CBL: variants seen among roughly 807,000 people sequenced by gnomAD.
The protein encoded by CBL is E3 ubiquitin-protein ligase CBL.
Under a neutral mutation model 96.9 loss-of-function variants are expected in CBL, and 45 were observed. The ratio of observed to expected loss-of-function variants is 0.46; its 90% confidence interval spans 0.37 to 0.60. The LOEUF is 0.60. Among genes scored for constraint, CBL ranks in the 20% least tolerant of loss-of-function variants. The probability of loss-of-function intolerance (pLI) is 0.00; values close to 1 mark genes in which losing one functional copy is unlikely to be tolerated. For synonymous variants in CBL, 420 were observed against 426.8 expected (o/e 0.98, Z 0.20); for missense variants, 1,024 against 1,143.5 (o/e 0.90, Z 1.51).
chr11:119,223,607 A>G (rs1407270503), intron 1 of CBL, among the ~76,000 whole-genome samples: 1 of 145,382 alleles, frequency 6.9e-6, no homozygotes, highest in African/African-American at 2.5e-5. Context: ...ATTTTTTTTT[A>G]TTATTATTTA....
chr11:119,244,360 T>A (rs1263795173), intron 2 of CBL, among the ~76,000 whole-genome samples: 1 of 152,146 alleles, frequency 6.6e-6, no homozygotes, highest in Non-Finnish European at 1.5e-5. Context: ...TCTTAGAAAT[T>A]CTAATGTAAT....
At position 119,206,368 on chromosome 11, in the gene CBL, C is replaced by T. The variant is rs1262508971; in HGVS notation, c.-50C>T. 1 of 1,389,216 alleles carries T rather than the reference C, an allele frequency of 7.2e-7. No individual in the cohort carries two copies. The highest frequency in any genetic ancestry group is 9.5e-7 in the Non-Finnish European group (1 of 1,050,622). The allele number at this position is 1,389,216 out of a possible 1,614,324, so 86.1% of individuals were successfully genotyped here. A position where few individuals can be genotyped will look rare whatever the true frequency, so the allele number is the denominator to read the frequency against. On this transcript the variant is annotated 5_prime_UTR_variant, in exon 1 of 16. Transcript: ENST00000264033. ...ACGCCCTGCTTCTCTCCCTCGCTCG[C>T]AGTCGAGCCGAGCCGGCGGACCCGC...
At chr11:119,216,436 A>G (rs1226767339) in intron 1 of CBL, among the ~76,000 whole-genome samples, 4 of 151,392 alleles carry the variant, frequency 2.6e-5, no homozygotes, top group Non-Finnish European at 5.9e-5. Flanking sequence ...CAGTGGTGCA[A>G]TCTCGGCTTA....
intron 12 of CBL, among the ~76,000 whole-genome samples, chr11:119,288,458 C>T (rs1292004758): frequency 1.4e-5 from 2 of 146,294 alleles, no homozygotes; most frequent in Non-Finnish European, 3.0e-5. Flanking sequence ...ACATGGCCAT[C>T]CTCAGTGTTT....
intron 2 of CBL, among the ~76,000 whole-genome samples, chr11:119,262,296 A>T (rs1949760554): frequency 6.6e-6 from 1 of 152,222 alleles, no homozygotes; most frequent in Non-Finnish European, 1.5e-5. Flanking sequence ...CTAAGGAGAT[A>T]GGGTGAGTAA....
At position 119,285,259 on chromosome 11, in the gene CBL, C is replaced by G; in HGVS notation, c.1634C>G (p.Pro545Arg). The part of the protein sequence containing the change: ...VPPTLRDLPP[P>R]PPPDRPYSVG... ...CCCACACTTCGAGATCTTCCACCAC[C>G]ACCGCCTCCAGACCGGCCATATTCT... Residue 545 changes from proline to arginine, a missense_variant, in exon 11 of 16, where the codon CCA becomes CGA. Around this residue, in one of 4 missense-constraint regions of CBL, gnomAD observed 695 missense variants for 661.6 expected, o/e 1.05. Transcript: ENST00000264033. 1 of 1,614,184 alleles carries G rather than the reference C, an allele frequency of 6.2e-7. No individual in the cohort carries two copies. Among genetic ancestry groups the G allele is most frequent in the Non-Finnish European group, 8.5e-7 (1 of 1,180,046 alleles).
At chr11:119,274,713 A>G in intron 4 of CBL, 119 bp from the exon 5 acceptor site, 4 of 907,140 alleles carry the variant, frequency 4.4e-6, no homozygotes, top group Non-Finnish European at 7.1e-6. Flanking sequence ...GAGTGATGGT[A>G]TAATTAAAAA....
chr11:119,285,187 A>G lies in CBL; in HGVS notation c.1564-2A>G. On this transcript the variant is annotated splice_acceptor_variant, in intron 10 of 15. Coordinates refer to ENST00000264033, the MANE Select transcript of CBL (RefSeq NM_005188.4). LOFTEE classifies it high-confidence loss of function. ...TGATTTGCTTTCACCCTGCTTCCACAGGCTGCTTCTGGCTCCCTTCATAAA... is the reference window on the plus strand; with the variant it reads ...TGATTTGCTTTCACCCTGCTTCCACGGGCTGCTTCTGGCTCCCTTCATAAA... The G allele has an allele frequency of 6.2e-7, 1 of 1,614,082 alleles. No homozygotes were observed. The highest frequency in any genetic ancestry group is 8.5e-7 in the Non-Finnish European group (1 of 1,180,028).
rs144512959 is a variant in CBL, at chr11:119,206,540, C to T, written c.123C>T (p.His41=). Residue 41 remains histidine, a synonymous_variant, in exon 1 of 16, where the codon CAC becomes CAT. Coordinates refer to ENST00000264033, the MANE Select transcript of CBL (RefSeq NM_005188.4). Reference sequence around the variant, plus strand: ...TCCAGCCGCACCACCACCACCACCACCACCTCAGCCCCCACCCGCCGGGGA... The same window carrying T: ...TCCAGCCGCACCACCACCACCACCATCACCTCAGCCCCCACCCGCCGGGGA... ...DAFQPHHHHH[H]HLSPHPPGTV... is the part of the protein sequence containing the mutation. 3 of 1,551,992 alleles carry T rather than the reference C, an allele frequency of 1.9e-6. No homozygotes were observed. Among genetic ancestry groups the T allele is most frequent in the African/African-American group, 2.7e-5 (2 of 73,148 alleles).
At chr11:119,282,053 T>C (rs1386471473) in intron 9 of CBL, among the ~76,000 whole-genome samples, 1 of 152,034 alleles carries the variant, frequency 6.6e-6, no homozygotes, top group African/African-American at 2.4e-5. Context: ...AAAAGAATAT[T>C]GCGGCCGGGT....
chr11:119,272,278 C>T (rs546015975), intron 3 of CBL, among the ~76,000 whole-genome samples: 6 of 152,228 alleles, frequency 3.9e-5, no homozygotes, highest in South Asian at 2.1e-4. Context: ...CCTGCCACCA[C>T]GCCCGGCTAA....
chr11:119,254,759 G>C (rs1203924762), intron 2 of CBL, among the ~76,000 whole-genome samples: 1 of 151,952 alleles, frequency 6.6e-6, no homozygotes, highest in African/African-American at 2.4e-5. Context: ...GCACCACCAC[G>C]CCCAGCTAAT....
intron 2 of CBL, among the ~76,000 whole-genome samples, chr11:119,259,399 C>T (rs898840447): frequency 6.6e-6 from 1 of 151,824 alleles, no homozygotes; most frequent in Non-Finnish European, 1.5e-5. Flanking sequence ...TTATGTTTTT[C>T]CCCATTTATT....
At chr11:119,275,240 A>T (rs1949879617) in intron 5 of CBL, among the ~76,000 whole-genome samples, 2 of 151,358 alleles carry the variant, frequency 1.3e-5, no homozygotes, top group Non-Finnish European at 2.9e-5. Flanking sequence ...GGAGTTTGAG[A>T]CCAGCCTGGC....
In CBL at chr11:119,235,340, C is replaced by T. The variant is rs374555966; in HGVS notation, c.443+2645C>T. ...ATATTGGCTTGGCTGGTCTCAAACT[C>T]CTGGCCTCAAGTGATCCGCCCGCCT... On this transcript the variant is annotated intron_variant, in intron 2 of 15. Transcript: ENST00000264033. Among the ~76,000 whole-genome samples the T allele has an allele frequency of 1.5e-4, 23 of 152,192 alleles. 1 individual carries two copies. The East Asian group carries it at 4.2e-3, about 28-fold the overall frequency.
intron 2 of CBL, among the ~76,000 whole-genome samples, chr11:119,270,444 T>A (rs1402995752): frequency 5.4e-3 from 235 of 43,640 alleles, no homozygotes; most frequent in African/African-American, 0.02. Flanking sequence ...ATATTTTTTT[T>A]TTTTTTTTTT....
intron 1 of CBL, among the ~76,000 whole-genome samples, chr11:119,230,508 C>T (rs549766034): frequency 6.6e-6 from 1 of 152,284 alleles, no homozygotes; most frequent in Admixed American, 6.5e-5. Context: ...TTAATGTTAG[C>T]TTAGGTTGTT....
rs3829261 is a variant in CBL, at chr11:119,305,789, T to C, written c.*6008T>C. On this transcript the variant is annotated 3_prime_UTR_variant, in exon 16 of 16. Coordinates refer to ENST00000264033, the MANE Select transcript of CBL (RefSeq NM_005188.4). The stretch of plus-strand genomic sequence containing the variant: ...TTTTAAAACTATGCTTTTGCTTGCC[T>C]AAATCTTTTGATCTTATATTTCTCT... 0.057 allele frequency: 13,004 copies of C among 228,998 alleles called. 446 individuals carry two copies. The highest frequency in any genetic ancestry group is 0.1 in the African/African-American group (4,526 of 45,154). 14.2% of individuals were successfully genotyped at this position (228,998 alleles called of 1,614,324 possible). A position where few individuals can be genotyped will look rare whatever the true frequency, so the allele number is the denominator to read the frequency against.
chr11:119,245,257 G>A (rs1182947720), intron 2 of CBL, among the ~76,000 whole-genome samples: 1 of 150,486 alleles, frequency 6.6e-6, no homozygotes, highest in Non-Finnish European at 1.5e-5. Context: ...CAGCCTTTTG[G>A]TTTGAGGACC....
Sources: allele counts gnomAD v4.1 joint callset (sites outside exome capture counted in the v4.1 genomes callset), GRCh38; gene constraint gnomAD v4.1.1; regional missense constraint gnomAD v4.1.1; transcripts MANE v1.5; gene names NCBI Gene and HGNC (gene_info 2026-07-23, HGNC 2026-07-21).